The following SUGCT variants were observed in gnomAD, a reference collection of about 807,000 sequenced individuals.
The protein encoded by SUGCT is succinyl-CoA:glutarate CoA-transferase.
Under a neutral mutation model 55.0 loss-of-function variants are expected in SUGCT, and 41 were observed. The ratio of observed to expected loss-of-function variants is 0.74; its 90% CI spans 0.58 to 0.97. The LOEUF (loss-of-function observed/expected upper bound fraction) is 0.97. Ranked by LOEUF, SUGCT falls within the 50% of genes least tolerant of loss-of-function variation. SUGCT has a pLI of 0.00. For synonymous variants in SUGCT, 187 were observed against 200.4 expected, an observed-to-expected ratio of 0.93 and a Z score of 0.56; for missense variants, 568 against 547.8, an observed-to-expected ratio of 1.04 and a Z score of -0.37.
At chr7:40,472,469 A>G (rs979423869) in intron 11 of SUGCT, among the ~76,000 whole-genome samples, 1 of 152,158 alleles carries the variant, frequency 6.6e-6, no homozygotes, top group African/African-American at 2.4e-5. Flanking sequence ...AGAAGGAAGT[A>G]AAGCTAATAT....
intron 6 of SUGCT, among the ~76,000 whole-genome samples, chr7:40,226,047 C>T (rs1003390291): frequency 1.3e-5 from 2 of 152,070 alleles, no homozygotes; most frequent in Admixed American, 6.6e-5. Flanking sequence ...TATTAGTTGA[C>T]CTTATGGAGT....
intron 3 of SUGCT, among the ~76,000 whole-genome samples, chr7:40,185,529 TC>T (rs377493190): frequency 7.3e-5 from 11 of 151,616 alleles, no homozygotes; most frequent in Admixed American, 1.3e-4. Flanking sequence ...TTTATTGTCT[TC>T]TTTTTTTTGA....
the SUGCT span, among the ~76,000 whole-genome samples, chr7:40,891,563 G>A: frequency 6.6e-6 from 1 of 152,124 alleles, no homozygotes. Context: ...ATTATACCCA[G>A]CAAAGCCATT....
chr7:40,677,590 A>G (rs567323981), intron 12 of SUGCT, among the ~76,000 whole-genome samples: 2 of 152,238 alleles, frequency 1.3e-5, no homozygotes, highest in South Asian at 2.1e-4. Context: ...CTCCTTTTAT[A>G]AGACAGCTTC....
intron 12 of SUGCT, among the ~76,000 whole-genome samples, chr7:40,690,008 T>C (rs1211025616): frequency 6.6e-6 from 1 of 152,232 alleles, no homozygotes; most frequent in East Asian, 1.9e-4. Context: ...GCTTTTGCTT[T>C]CTGAGAATCC....
chr7:40,305,721 G>A (rs749556285), intron 8 of SUGCT, among the ~76,000 whole-genome samples: 2 of 151,998 alleles, frequency 1.3e-5, no homozygotes, highest in Non-Finnish European at 2.9e-5. Context: ...GAGTGCAGTG[G>A]CATGATCATA....
chr7:40,337,944 G>A (rs1796810809), intron 9 of SUGCT, among the ~76,000 whole-genome samples: 1 of 151,982 alleles, frequency 6.6e-6, no homozygotes, highest in Non-Finnish European at 1.5e-5. Context: ...GACAGGCCTG[G>A]TGGTGACAAA....
At chr7:40,319,075 G>T (rs1351233149) in intron 9 of SUGCT, among the ~76,000 whole-genome samples, 1 of 152,102 alleles carries the variant, frequency 6.6e-6, no homozygotes, top group Non-Finnish European at 1.5e-5. Context: ...GTGTATCTGT[G>T]TCTGTGTTTG....
chr7:40,544,904 A>T (rs1794907842), intron 12 of SUGCT, among the ~76,000 whole-genome samples: 1 of 152,216 alleles, frequency 6.6e-6, no homozygotes, highest in Non-Finnish European at 1.5e-5. Context: ...GAAGGAGCTT[A>T]CAAAAACTAG....
chr7:40,329,698 G>A (rs1245141069), intron 9 of SUGCT, among the ~76,000 whole-genome samples: 1 of 152,100 alleles, frequency 6.6e-6, no homozygotes, highest in East Asian at 1.9e-4. Context: ...TGTGTGCACA[G>A]GTGATTTGTT....
chr7:40,311,288 A>C (rs10282694), intron 8 of SUGCT, among the ~76,000 whole-genome samples: 19,264 of 152,182 alleles, frequency 0.13, 1,605 homozygotes, highest in Middle Eastern at 0.2. Flanking sequence ...TCTATCATCA[A>C]ATTATGCCTG....
intron 13 of SUGCT, among the ~76,000 whole-genome samples, chr7:40,813,589 T>A (rs1791527612): frequency 6.6e-6 from 1 of 152,212 alleles, no homozygotes. Context: ...AAGTCTTTAC[T>A]TTGAGCCTAT....
chr7:40,233,850 A>C (rs1788857983), intron 6 of SUGCT, among the ~76,000 whole-genome samples: 2 of 152,212 alleles, frequency 1.3e-5, no homozygotes, highest in Non-Finnish European at 2.9e-5. Flanking sequence ...TTACAGATGA[A>C]GACATTGAGG....
At chr7:40,268,653 A>G (rs373332539) in intron 7 of SUGCT, among the ~76,000 whole-genome samples, 1 of 146,508 alleles carries the variant, frequency 6.8e-6, no homozygotes, top group African/African-American at 2.5e-5. Flanking sequence ...CTTGTTTTTA[A>G]TTTTTTTTTT....
chr7:40,349,925 C>T (rs77302957), intron 9 of SUGCT, among the ~76,000 whole-genome samples: 1 of 152,146 alleles, frequency 6.6e-6, no homozygotes, highest in African/African-American at 2.4e-5. Flanking sequence ...TGAGCTCAAA[C>T]AATCCTCCTG....
At chr7:40,430,603 A>G (rs570887828) in intron 9 of SUGCT, among the ~76,000 whole-genome samples, 10 of 152,118 alleles carry the variant, frequency 6.6e-5, no homozygotes, top group East Asian at 1.9e-4. Flanking sequence ...TGTTTTCCCA[A>G]TCTCTAAGTT....
chr7:40,891,709 A>G, the SUGCT span, among the ~76,000 whole-genome samples: 32,010 of 152,134 alleles, frequency 0.21, 5,488 homozygotes, highest in African/African-American at 0.48. Context: ...AGCTGAAAAC[A>G]TATGAAAATA....
intron 11 of SUGCT, among the ~76,000 whole-genome samples, chr7:40,479,273 A>G (rs954458083): frequency 2.0e-5 from 3 of 152,142 alleles, no homozygotes; most frequent in Non-Finnish European, 4.4e-5. Context: ...GTTTCAATCA[A>G]TGACAGTCTG....
At chr7:40,432,312 G>A (rs1327372440) in intron 9 of SUGCT, among the ~76,000 whole-genome samples, 1 of 152,092 alleles carries the variant, frequency 6.6e-6, no homozygotes, top group East Asian at 1.9e-4. Context: ...TCTGGTCAGT[G>A]AGGTTCCTGC....
Sources: gnomAD v4.1 joint callset for allele counts (sites outside exome capture counted in the v4.1 genomes callset) on GRCh38, gnomAD v4.1.1 for gene constraint, MANE v1.5 for transcripts, NCBI Gene and HGNC (gene_info 2026-07-23, HGNC 2026-07-21) for gene names.